The following GRAMD4 variants were observed in gnomAD, a reference collection of about 807,000 sequenced individuals.
The protein encoded by GRAMD4 is GRAM domain-containing protein 4.
Under a neutral mutation model 83.9 loss-of-function variants are expected in GRAMD4, and 25 were observed. The ratio of observed to expected loss-of-function variants is 0.30; its 90% CI spans 0.22 to 0.42. The LOEUF (loss-of-function observed/expected upper bound fraction) is 0.42, where lower values mean the gene tolerates loss of function less well. Ranked by LOEUF, GRAMD4 falls within the 10% of genes least tolerant of loss-of-function variation. GRAMD4 has a pLI of 1.00. For synonymous variants in GRAMD4, 336 were observed against 320.9 expected, an observed-to-expected ratio of 1.05 and a Z score of -0.50; for missense variants, 593 against 788.7, an observed-to-expected ratio of 0.75 and a Z score of 2.97.
In GRAMD4 at chr22:46,583,908, C is replaced by G. The variant is rs117978212; in HGVS notation, c.-50+6618C>G. Among the ~76,000 whole-genome samples the G allele has an allele frequency of 1.8e-3, 273 of 152,304 alleles. 10 individuals are homozygous for G. The East Asian group carries it at 0.046, about 26-fold the overall frequency. On this transcript the variant is annotated intron_variant, in intron 1 of 1. Coordinates refer to the GRAMD4 transcript ENST00000431155. ...AGGGCTGGGGAGTCACGCCTGCCTC[C>G]TTGAGGGCAGAGTGGCTGTGTCACT...
chr22:46,644,650 A>T (rs866404555), intron 3 of GRAMD4, among the ~76,000 whole-genome samples: 1 of 143,014 alleles, frequency 7.0e-6, no homozygotes, highest in Non-Finnish European at 1.5e-5. Flanking sequence ...ATTTGTGTCC[A>T]TGGTGTTACT....
chr22:46,666,076 C>T (rs888279695), intron 9 of GRAMD4, among the ~76,000 whole-genome samples: 2 of 152,216 alleles, frequency 1.3e-5, no homozygotes, highest in African/African-American at 4.8e-5. Context: ...GGAGATGAGC[C>T]TGCTGGGGAG....
At chr22:46,616,253 C>T (rs866684446), upstream of GRAMD4, among the ~76,000 whole-genome samples, 6 of 37,482 alleles carry the variant, frequency 1.6e-4, 1 homozygote, top group Admixed American at 2.3e-4. Context: ...TAGGTTCCCC[C>T]GTGCGTGTAG....
intron 13 of GRAMD4, among the ~76,000 whole-genome samples, chr22:46,670,417 C>T (rs2082484362): frequency 1.3e-5 from 2 of 152,210 alleles, no homozygotes. Context: ...CTGGCTAGCA[C>T]CCAGGACTCT....
intron 2 of GRAMD4, among the ~76,000 whole-genome samples, chr22:46,636,881 G>T (rs768972124): frequency 2.0e-5 from 3 of 152,246 alleles, no homozygotes; most frequent in Non-Finnish European, 4.4e-5. Flanking sequence ...ACTCGAGCCC[G>T]TCCTGGCTTG....
chr22:46,652,399 G>A (rs1057436687), intron 3 of GRAMD4, among the ~76,000 whole-genome samples: 8 of 152,174 alleles, frequency 5.3e-5, no homozygotes, highest in Admixed American at 3.3e-4. Context: ...CCCTGCCCAC[G>A]CCATGAGCTC....
chr22:46,585,248 T>C (rs1190925040), intron 1 of GRAMD4, among the ~76,000 whole-genome samples: 2 of 151,504 alleles, frequency 1.3e-5, no homozygotes, highest in Non-Finnish European at 2.9e-5. Context: ...TGGAGTGCAA[T>C]GGCGTGATCG....
rs558134193 is a variant in GRAMD4 at position 46,654,951 on chromosome 22, G to A, written c.284-3236G>A. Among the ~76,000 whole-genome samples the A allele has an allele frequency of 7.2e-5, 11 of 152,326 alleles. No individual in the cohort carries two copies. The South Asian group carries it at 2.1e-3, about 29-fold the overall frequency. ...AATCCCCACCCAGCACACGGAGTGG[G>A]AATCATGTCCCCAAGAGGAAAGAGC... On this transcript the variant is annotated intron_variant, in intron 3 of 18. Coordinates refer to ENST00000406902, the MANE Select transcript of GRAMD4 (RefSeq NM_015124.5).
chr22:46,594,095 A>ACCCAGCATCCTGCCAGCCCCTC (rs1223487460), intron 1 of GRAMD4, among the ~76,000 whole-genome samples: 1 of 151,040 alleles, frequency 6.6e-6, no homozygotes, highest in African/African-American at 2.4e-5. Context: ...CAGCCTTGAT[A>ACCCAGCATCCTGCCAGCCCCTC]CCCAGCATCC....
intron 2 of GRAMD4, among the ~76,000 whole-genome samples, chr22:46,630,945 C>T (rs1028737709): frequency 6.7e-6 from 1 of 149,678 alleles, no homozygotes; most frequent in Non-Finnish European, 1.5e-5. Flanking sequence ...TGCCCTCACC[C>T]CGGCCTCTGC....
At chr22:46,586,648 G>C (rs1188129518) in intron 1 of GRAMD4, among the ~76,000 whole-genome samples, 3 of 152,246 alleles carry the variant, frequency 2.0e-5, no homozygotes, top group African/African-American at 7.2e-5. Flanking sequence ...CCAGAGCTCT[G>C]GTGTGGCGGA....
intron 3 of GRAMD4, among the ~76,000 whole-genome samples, chr22:46,645,995 G>A (rs1435286331): frequency 6.6e-6 from 1 of 152,158 alleles, no homozygotes; most frequent in South Asian, 2.1e-4. Context: ...GGATTTTGGG[G>A]GAAAGTGCTT....
At chr22:46,636,107 G>C (rs2081883687) in intron 2 of GRAMD4, among the ~76,000 whole-genome samples, 1 of 152,196 alleles carries the variant, frequency 6.6e-6, no homozygotes, top group Non-Finnish European at 1.5e-5. Context: ...CCTGCGTCTT[G>C]AGCTTCCAGG....
chr22:46,679,560 C>A lies in GRAMD4; in HGVS notation c.*2309C>A. The A allele has an allele frequency of 1.0e-6, 1 of 984,974 alleles. No homozygotes were observed. Among genetic ancestry groups the A allele is most frequent in the Non-Finnish European group, 1.2e-6 (1 of 829,318 alleles). 61.0% of individuals were successfully genotyped at this position (984,974 alleles called of 1,614,324 possible). ...TTAATTTCTGTGACTAATCACTGAA[C>A]TAGACGAATGTTAAATTTTTTATGT... On this transcript the variant is annotated 3_prime_UTR_variant, in exon 19 of 19. Transcript: ENST00000406902.
chr22:46,678,598 C>T lies in GRAMD4; in HGVS notation c.*1347C>T, dbSNP rs1031054507. On this transcript the variant is annotated 3_prime_UTR_variant, in exon 19 of 19. Transcript: ENST00000406902. ...GGGGCGGATCCCGCAGCTCCCTCAGCTTGTCCTGAGTCCCTTGGGTGTCGT... is the reference window on the plus strand; with the variant it reads ...GGGGCGGATCCCGCAGCTCCCTCAGTTTGTCCTGAGTCCCTTGGGTGTCGT... The T allele has an allele frequency of 1.0e-6, 1 of 985,518 alleles. No individual in the cohort carries two copies. The highest frequency in any genetic ancestry group is 1.2e-6 in the Non-Finnish European group (1 of 829,942). The allele number at this position is 985,518 out of a possible 1,614,324, so 61.0% of individuals were successfully genotyped here.
At chr22:46,656,401 C>G (rs1260954670) in intron 3 of GRAMD4, among the ~76,000 whole-genome samples, 1 of 152,246 alleles carries the variant, frequency 6.6e-6, no homozygotes, top group Non-Finnish European at 1.5e-5. Flanking sequence ...TCTGGGTTTA[C>G]TGACCCTAGT....
intron 1 of GRAMD4, among the ~76,000 whole-genome samples, chr22:46,579,820 C>T (rs900658054): frequency 6.6e-6 from 1 of 152,140 alleles, no homozygotes; most frequent in African/African-American, 2.4e-5. Context: ...AGGAGGCTGC[C>T]CCATCTCGGG....
At chr22:46,632,863 G>C (rs948271364) in intron 2 of GRAMD4, among the ~76,000 whole-genome samples, 1 of 152,230 alleles carries the variant, frequency 6.6e-6, no homozygotes, top group African/African-American at 2.4e-5. Flanking sequence ...GCCTGTGCTT[G>C]CTGGGGAGGG....
intron 2 of GRAMD4, 85 bp from the exon 3 acceptor site, chr22:46,637,755 C>T (rs1030576368): frequency 1.4e-6 from 2 of 1,476,814 alleles, no homozygotes; most frequent in African/African-American, 1.4e-5. Context: ...ATCCTGGGGC[C>T]CCTGGGCACC....
Sources: allele counts gnomAD v4.1 joint callset (sites outside exome capture counted in the v4.1 genomes callset), GRCh38; gene constraint gnomAD v4.1.1; transcripts MANE v1.5; gene names NCBI Gene and HGNC (gene_info 2026-07-23, HGNC 2026-07-21).